Variants in RANBP17 observed in about 807,000 individuals in gnomAD.
The protein encoded by RANBP17 is ran-binding protein 17.
RANBP17 carries 158 observed loss-of-function variants against 141.2 expected under a neutral mutation model. That is an observed-to-expected ratio of 1.12 (90% CI 0.98 to 1.28). The LOEUF (loss-of-function observed/expected upper bound fraction) is 1.28, where lower values mean the gene tolerates loss of function less well. Ranked by LOEUF, RANBP17 falls within the 50% of genes most tolerant of loss-of-function variation. The pLI is 0.00. For synonymous variants in RANBP17, 430 were observed against 450.0 expected (o/e 0.96, Z 0.56); for missense variants, 1,438 against 1,290.7 (o/e 1.11, Z -1.75).
intron 25 of RANBP17, among the ~76,000 whole-genome samples, chr5:171,267,026 C>CTTTTTTTTTTTTTTTTTT (rs35762251): frequency 1.7e-5 from 2 of 114,620 alleles, no homozygotes; most frequent in African/African-American, 3.7e-5. Flanking sequence ...ATTTTCTTTT[C>CTTTTTTTTTTTTTTTTTT]TTTTTTTTTT....
At chr5:171,259,191 A>G (rs553915003) in intron 24 of RANBP17, among the ~76,000 whole-genome samples, 1 of 152,324 alleles carries the variant, frequency 6.6e-6, no homozygotes, top group East Asian at 1.9e-4. Context: ...CCCTGTCAGA[A>G]TGGCTATTAT....
chr5:170,909,989 T>TAC (rs1410964405), intron 6 of RANBP17: 2 of 333,692 alleles, frequency 6.0e-6, no homozygotes, highest in Admixed American at 9.7e-5. Flanking sequence ...TCTAATAACT[T>TAC]ATCTTCAGGT....
At chr5:170,870,623 A>G (rs1326577192) in intron 1 of RANBP17, among the ~76,000 whole-genome samples, 2 of 152,110 alleles carry the variant, frequency 1.3e-5, no homozygotes, top group African/African-American at 2.4e-5. Context: ...TCTACCATCA[A>G]TGGGCATTTG....
chr5:171,289,927 G>A (rs551100212), intron 25 of RANBP17, among the ~76,000 whole-genome samples: 5 of 152,242 alleles, frequency 3.3e-5, no homozygotes, highest in African/African-American at 1.2e-4. Flanking sequence ...TTACTTGGGA[G>A]GCTGAGAGAG....
rs1468898319 is a variant in RANBP17, at chr5:170,948,678, T to C, written c.1469-4919T>C. Among the ~76,000 whole-genome samples, 5 of 152,166 alleles carry C rather than the reference T, an allele frequency of 3.3e-5. No homozygotes were observed. The East Asian group carries it at 5.8e-4, about 18-fold the overall frequency. On this transcript the variant is annotated intron_variant, in intron 12 of 27. Transcript: ENST00000523189. Reference sequence around the variant, plus strand: ...CGGTGCAATCCACTTTAAAATCCCATGGGTTTTTTGCAGGGATTGACAAAC... The same window carrying C: ...CGGTGCAATCCACTTTAAAATCCCACGGGTTTTTTGCAGGGATTGACAAAC...
chr5:171,186,693 C>T (rs1045891004), intron 18 of RANBP17, among the ~76,000 whole-genome samples: 15 of 150,130 alleles, frequency 1.0e-4, no homozygotes, highest in Middle Eastern at 6.8e-3. Context: ...CCCGCCACTA[C>T]GCCCGGCTAA....
At chr5:171,244,717 G>C (rs936449769) in intron 24 of RANBP17, among the ~76,000 whole-genome samples, 79 of 152,234 alleles carry the variant, frequency 5.2e-4, no homozygotes, top group African/African-American at 1.9e-3. Flanking sequence ...AAATCACTGG[G>C]ATTACAAGCA....
At chr5:170,890,590 A>G (rs1430075208) in intron 3 of RANBP17, among the ~76,000 whole-genome samples, 1 of 152,122 alleles carries the variant, frequency 6.6e-6, no homozygotes, top group Non-Finnish European at 1.5e-5. Flanking sequence ...TTAAATATTG[A>G]GGTATTTACC....
At chr5:171,160,309 C>A (rs1759247587) in intron 14 of RANBP17, among the ~76,000 whole-genome samples, 1 of 152,184 alleles carries the variant, frequency 6.6e-6, no homozygotes, top group African/African-American at 2.4e-5. Context: ...TCCCCTCTAA[C>A]TACTACTAAA....
At chr5:170,865,267 T>C (rs1767148512) in intron 1 of RANBP17, among the ~76,000 whole-genome samples, 1 of 152,176 alleles carries the variant, frequency 6.6e-6, no homozygotes, top group Middle Eastern at 3.2e-3. Context: ...TTCTCCATGT[T>C]GGCCAGGCTG....
intron 14 of RANBP17, among the ~76,000 whole-genome samples, chr5:171,123,851 G>A (rs909871650): frequency 5.7e-4 from 87 of 152,326 alleles, no homozygotes; most frequent in African/African-American, 2.1e-3. Context: ...AAAAGCCAAA[G>A]CACTCTACTT....
At chr5:171,125,408 A>G (rs1425433029) in intron 14 of RANBP17, among the ~76,000 whole-genome samples, 1 of 152,046 alleles carries the variant, frequency 6.6e-6, no homozygotes, top group African/African-American at 2.4e-5. Context: ...AAAAAAAAAA[A>G]AAAGAGAGAC....
At chr5:170,950,860 G>A (rs1775156408) in intron 12 of RANBP17, among the ~76,000 whole-genome samples, 1 of 152,006 alleles carries the variant, frequency 6.6e-6, no homozygotes, top group South Asian at 2.1e-4. Flanking sequence ...ATAAAATAAT[G>A]TGGTATATAT....
chr5:171,263,896 T>G (rs1766501134), intron 24 of RANBP17, among the ~76,000 whole-genome samples: 1 of 152,104 alleles, frequency 6.6e-6, no homozygotes, highest in South Asian at 2.1e-4. Flanking sequence ...ACCCTGTCTC[T>G]ACAAAAAATA....
intron 25 of RANBP17, among the ~76,000 whole-genome samples, chr5:171,268,528 A>G (rs1428072691): frequency 6.6e-6 from 1 of 152,130 alleles, no homozygotes; most frequent in Non-Finnish European, 1.5e-5. Flanking sequence ...TCAAAATGTC[A>G]GCGCGTCTCT....
intron 14 of RANBP17, among the ~76,000 whole-genome samples, chr5:171,136,520 C>A (rs2127799150): frequency 6.6e-6 from 1 of 151,980 alleles, no homozygotes; most frequent in South Asian, 2.1e-4. Flanking sequence ...ATAAAGAGGT[C>A]ATCTTTCAGG....
chr5:171,205,501 C>A, intron 19 of RANBP17, 23 bp from the exon 20 acceptor site: 2 of 1,600,674 alleles, frequency 1.2e-6, no homozygotes, highest in Non-Finnish European at 8.6e-7. Context: ...AAATCAATTA[C>A]TGTGTCTCTT....
intron 13 of RANBP17, among the ~76,000 whole-genome samples, chr5:170,955,938 G>A (rs1289751142): frequency 1.3e-5 from 2 of 149,770 alleles, no homozygotes; most frequent in East Asian, 3.9e-4. Context: ...TATGTATTCA[G>A]ATCTATGGAC....
intron 14 of RANBP17, among the ~76,000 whole-genome samples, chr5:171,065,155 G>A (rs894528503): frequency 1.3e-5 from 2 of 152,012 alleles, no homozygotes; most frequent in African/African-American, 4.8e-5. Flanking sequence ...TGATCCATTT[G>A]GAGTTTATTC....
Sources: allele counts gnomAD v4.1 joint callset (sites outside exome capture counted in the v4.1 genomes callset), GRCh38; gene constraint gnomAD v4.1.1; transcripts MANE v1.5; gene names NCBI Gene and HGNC (gene_info 2026-07-23, HGNC 2026-07-21).